PLPPR1: variants seen among roughly 807,000 people sequenced by gnomAD.
The protein encoded by PLPPR1 is phospholipid phosphatase related 1.
A neutral mutation model predicts 33.1 loss-of-function variants in PLPPR1; 10 were observed. The observed-to-expected ratio is 0.30, with a 90% confidence interval of 0.19 to 0.51. The LOEUF (loss-of-function observed/expected upper bound fraction) is 0.51. Among genes scored for constraint, PLPPR1 ranks in the 20% least tolerant of loss-of-function variants. The pLI is 0.97. For synonymous variants in PLPPR1, 151 were observed against 151.0 expected (o/e 1.00, Z 0.00); for missense variants, 304 against 408.1 (o/e 0.74, Z 2.20).
At chr9:101,081,878 T>A (rs1830623596) in intron 1 of PLPPR1, among the ~76,000 whole-genome samples, 1 of 152,214 alleles carries the variant, frequency 6.6e-6, no homozygotes, top group Non-Finnish European at 1.5e-5. Context: ...TAAGCTTGGA[T>A]CTTAACTTGG....
intron 1 of PLPPR1, among the ~76,000 whole-genome samples, chr9:101,063,304 C>T (rs1055002484): frequency 1.3e-5 from 2 of 151,928 alleles, no homozygotes; most frequent in Non-Finnish European, 2.9e-5. Flanking sequence ...CAGGGTCTCA[C>T]GGTGAAGGTG....
rs553018395 is a variant in PLPPR1 at position 101,107,855 on chromosome 9, G to A, written c.-45-77595G>A. Among the ~76,000 whole-genome samples, 7 of 151,048 alleles carry A rather than the reference G, an allele frequency of 4.6e-5. No homozygotes were observed. In the East Asian group the frequency reaches 1.2e-3, roughly 25 times the overall value. ...GGTGTGGGATATAGTCTCGTGGTGC[G>A]CCGTTTTTTAAGCCGGTCTGAAAAG... On this transcript the variant is annotated intron_variant, in intron 1 of 7. Transcript: ENST00000374874.
chr9:101,223,106 A>T (rs547548702), intron 2 of PLPPR1, among the ~76,000 whole-genome samples: 1 of 147,602 alleles, frequency 6.8e-6, no homozygotes, highest in East Asian at 2.0e-4. Context: ...TGAAGCCAGA[A>T]GTTTGAGACT....
intron 1 of PLPPR1, among the ~76,000 whole-genome samples, chr9:101,116,200 GAA>G (rs1437449957): frequency 6.6e-6 from 1 of 152,166 alleles, no homozygotes; most frequent in Non-Finnish European, 1.5e-5. Context: ...TATGTTTTGG[GAA>G]CTATAGTATG....
Position 101,274,073 on chromosome 9 carries a change from C to T in PLPPR1, c.252+4005C>T, listed in dbSNP as rs558901642. ...AAATTGAAATGTAGTACAACTGCTCCCATGGAAGTCAATGTGATTTGGTCA... is the reference window on the plus strand; with the variant it reads ...AAATTGAAATGTAGTACAACTGCTCTCATGGAAGTCAATGTGATTTGGTCA... On this transcript the variant is annotated intron_variant, in intron 3 of 7. Transcript: ENST00000374874. Among the ~76,000 whole-genome samples the T allele has an allele frequency of 2.0e-5, 3 of 152,230 alleles. No homozygotes were observed. In the South Asian group the frequency reaches 6.2e-4, roughly 32 times the overall value.
At chr9:101,178,905 A>G (rs1826058401) in intron 1 of PLPPR1, among the ~76,000 whole-genome samples, 1 of 152,288 alleles carries the variant, frequency 6.6e-6, no homozygotes, top group Non-Finnish European at 1.5e-5. Context: ...CTGCGACATT[A>G]TGTTCTGCTG....
chr9:101,123,505 AAGAC>A lies in PLPPR1; in HGVS notation c.-45-61942_-45-61939del, dbSNP rs1460568610. ...CTGGCGGAGTCAAAGGATTGAGAAA[AAGAC>A]AGTTTGAGAAGTAAAGTGGGACCAG... On this transcript the variant is annotated intron_variant, in intron 1 of 7. Transcript: ENST00000374874. Among the ~76,000 whole-genome samples the A allele has an allele frequency of 5.9e-5, 9 of 152,160 alleles. No homozygotes were observed. The East Asian group carries it at 1.5e-3, about 26-fold the overall frequency.
At chr9:101,044,056 A>C (rs1830116231) in intron 1 of PLPPR1, among the ~76,000 whole-genome samples, 1 of 152,236 alleles carries the variant, frequency 6.6e-6, no homozygotes, top group Non-Finnish European at 1.5e-5. Context: ...CAAAAGGAAT[A>C]GTCAGCAGAG....
chr9:101,140,253 G>A (rs1831432598), intron 1 of PLPPR1, among the ~76,000 whole-genome samples: 1 of 152,160 alleles, frequency 6.6e-6, no homozygotes, highest in Admixed American at 6.6e-5. Context: ...AGAAAATAAG[G>A]TGAATAAGTA....
At chr9:101,160,409 G>A (rs1831757505) in intron 1 of PLPPR1, among the ~76,000 whole-genome samples, 1 of 152,132 alleles carries the variant, frequency 6.6e-6, no homozygotes, top group South Asian at 2.1e-4. Flanking sequence ...GCCCATTTGT[G>A]CCTTTTGCTT....
At chr9:101,167,989 A>T (rs1396162032) in intron 1 of PLPPR1, among the ~76,000 whole-genome samples, 1 of 152,136 alleles carries the variant, frequency 6.6e-6, no homozygotes, top group African/African-American at 2.4e-5. Flanking sequence ...GTGTAGGGAA[A>T]TTCCCCTTTG....
intron 2 of PLPPR1, among the ~76,000 whole-genome samples, chr9:101,191,161 T>C (rs1267388595): frequency 6.6e-6 from 1 of 152,136 alleles, no homozygotes; most frequent in African/African-American, 2.4e-5. Context: ...CATAGCTCTT[T>C]ACTGCTCTGG....
intron 1 of PLPPR1, among the ~76,000 whole-genome samples, chr9:101,182,074 C>T (rs1490614730): frequency 6.6e-6 from 1 of 150,990 alleles, no homozygotes; most frequent in Non-Finnish European, 1.5e-5. Context: ...TACTATTTAG[C>T]CTTAAAAAGG....
chr9:101,223,819 C>T (rs943909111), intron 2 of PLPPR1, among the ~76,000 whole-genome samples: 97 of 152,046 alleles, frequency 6.4e-4, no homozygotes, highest in Non-Finnish European at 1.2e-3. Context: ...AGTATTTCTT[C>T]GTAGCTGCAT....
chr9:101,072,248 T>C (rs756720433), intron 1 of PLPPR1, among the ~76,000 whole-genome samples: 4 of 152,164 alleles, frequency 2.6e-5, no homozygotes, highest in Non-Finnish European at 5.9e-5. Flanking sequence ...CTCCTCCAAA[T>C]TGTGACTCAA....
At chr9:101,267,108 G>A (rs1257926204) in intron 2 of PLPPR1, among the ~76,000 whole-genome samples, 1 of 152,172 alleles carries the variant, frequency 6.6e-6, no homozygotes, top group Non-Finnish European at 1.5e-5. Flanking sequence ...TTTGCAGGGG[G>A]ACAGACGGAA....
intron 1 of PLPPR1, among the ~76,000 whole-genome samples, chr9:101,123,655 A>C (rs1831204155): frequency 6.6e-6 from 1 of 152,188 alleles, no homozygotes; most frequent in African/African-American, 2.4e-5. Flanking sequence ...ACGTTGCTTT[A>C]AGCACATGAT....
At chr9:101,085,223 T>C (rs1830662469) in intron 1 of PLPPR1, among the ~76,000 whole-genome samples, 1 of 152,184 alleles carries the variant, frequency 6.6e-6, no homozygotes, top group Non-Finnish European at 1.5e-5. Context: ...TTCATATCCC[T>C]GGCCCCAGTT....
intron 4 of PLPPR1, among the ~76,000 whole-genome samples, chr9:101,294,272 T>C (rs1460080308): frequency 6.6e-6 from 1 of 151,724 alleles, no homozygotes; most frequent in Admixed American, 6.6e-5. Flanking sequence ...AATCTCTGAA[T>C]AGACCAATAA....
Sources: gnomAD v4.1 joint callset for allele counts (sites outside exome capture counted in the v4.1 genomes callset) on GRCh38, gnomAD v4.1.1 for gene constraint, MANE v1.5 for transcripts, NCBI Gene and HGNC (gene_info 2026-07-23, HGNC 2026-07-21) for gene names.